The following SRGAP2 variants were observed in gnomAD, a reference collection of about 807,000 sequenced individuals.
The protein encoded by SRGAP2 is SLIT-ROBO Rho GTPase-activating protein 2.
A neutral mutation model predicts 57.2 loss-of-function variants in SRGAP2; 15 were observed. That is an observed-to-expected ratio of 0.26 (90% CI 0.18 to 0.40). The LOEUF (loss-of-function observed/expected upper bound fraction) is 0.40, where lower values mean the gene tolerates loss of function less well. Ranked by LOEUF, SRGAP2 falls within the 10% of genes least tolerant of loss-of-function variation. SRGAP2 has a pLI of 1.00. For missense variants in SRGAP2, 520 were observed against 669.6 expected (o/e 0.78, Z 2.47); for synonymous variants, 249 against 248.0 (o/e 1.00, Z -0.04).
In SRGAP2 at chr1:206,447,056, C is replaced by G. The variant is rs1553374148; in HGVS notation, c.2099+757C>G. On this transcript the variant is annotated intron_variant, in intron 18 of 22. Transcript: ENST00000573034. ...TGGGAATTTAACCCCAATCTCATCT[C>G]TTTGTACAGGGTACAGTCCGTTACC... Among the ~76,000 whole-genome samples the G allele has an allele frequency of 2.0e-5, 3 of 152,226 alleles. No individual in the cohort carries two copies. In the East Asian group the frequency reaches 5.8e-4, roughly 29 times the overall value.
At chr1:206,244,594 C>T (rs376336927) in intron 2 of SRGAP2, among the ~76,000 whole-genome samples, 9 of 148,062 alleles carry the variant, frequency 6.1e-5, no homozygotes, top group African/African-American at 2.3e-4. Context: ...GAACCCAACA[C>T]GAGATGGTAT....
At chr1:206,411,079 C>T (rs1553359418) in intron 10 of SRGAP2, among the ~76,000 whole-genome samples, 1 of 152,238 alleles carries the variant, frequency 6.6e-6, no homozygotes, top group Non-Finnish European at 1.5e-5. Flanking sequence ...CCAGGCTGGT[C>T]TCAAACTCCT....
intron 22 of SRGAP2, 131 bp downstream of exon 22, chr1:206,459,078 C>T (rs1664062002): frequency 1.6e-6 from 1 of 611,246 alleles, no homozygotes; most frequent in African/African-American, 1.9e-5. Context: ...TATATGTCCA[C>T]TCTGGACATG....
At chr1:206,364,621 T>C (rs1230616399) in intron 4 of SRGAP2, among the ~76,000 whole-genome samples, 1 of 151,354 alleles carries the variant, frequency 6.6e-6, no homozygotes, top group African/African-American at 2.4e-5. Flanking sequence ...CTTCTAAGAA[T>C]AGCTGACTTT....
intron 13 of SRGAP2, among the ~76,000 whole-genome samples, chr1:206,422,851 C>T (rs1339592895): frequency 6.6e-6 from 1 of 152,204 alleles, no homozygotes; most frequent in African/African-American, 2.4e-5. Flanking sequence ...ATACCAAAAT[C>T]CCCAATCCAA....
chr1:206,272,894 G>A (rs1238392516), intron 2 of SRGAP2, among the ~76,000 whole-genome samples: 73 of 152,196 alleles, frequency 4.8e-4, no homozygotes, highest in Non-Finnish European at 6.9e-4. Context: ...TTGCGTTAAA[G>A]CGTTCAGGAT....
In SRGAP2 at chr1:206,454,813, T is replaced by C; in HGVS notation, c.2361-65T>C. ...ATGTCGGGGGGCCATCTTGCCGATT[T>C]AACGCTGCTTTTTGTGTTGTTGTTG... On this transcript the variant is annotated intron_variant, in intron 20 of 22. Coordinates refer to ENST00000573034, the MANE Select transcript of SRGAP2 (RefSeq NM_015326.5). This position sits in a 1 kb window ranked among gnomAD's most constrained non-coding sequence, Gnocchi z 4.3. 1 of 700,074 alleles carries C rather than the reference T, an allele frequency of 1.4e-6. No homozygotes were observed. The allele number at this position is 700,074 out of a possible 1,614,324, so 43.4% of individuals were successfully genotyped here.
chr1:206,210,016 G>T (rs1666211167), intron 2 of SRGAP2, among the ~76,000 whole-genome samples: 1 of 139,766 alleles, frequency 7.2e-6, no homozygotes, highest in Non-Finnish European at 1.5e-5. Context: ...CAGGTATGGG[G>T]AGGGCTGATG....
At chr1:206,341,478 A>G (rs1245211538) in intron 3 of SRGAP2, among the ~76,000 whole-genome samples, 3 of 151,844 alleles carry the variant, frequency 2.0e-5, no homozygotes, top group Non-Finnish European at 4.4e-5. Context: ...AAATGTGGTT[A>G]ATAACACCCA....
At chr1:206,389,470 C>A (rs1477903272) in intron 5 of SRGAP2, among the ~76,000 whole-genome samples, 1 of 152,088 alleles carries the variant, frequency 6.6e-6, no homozygotes, top group Non-Finnish European at 1.5e-5. Context: ...AGCCGCCATG[C>A]CCGGCCTGTT....
intron 13 of SRGAP2, 122 bp from the exon 14 acceptor site, chr1:206,430,040 G>A (rs1661155936): frequency 1.4e-6 from 1 of 705,232 alleles, no homozygotes; most frequent in East Asian, 2.5e-5. Context: ...CAGGCCAGGT[G>A]CTTCTTTGTA....
intron 2 of SRGAP2, among the ~76,000 whole-genome samples, chr1:206,281,998 A>G (rs1215093623): frequency 6.1e-5 from 9 of 146,980 alleles, no homozygotes; most frequent in African/African-American, 2.3e-4. Context: ...TAAAATTACT[A>G]ATAACTTTTT....
At chr1:206,230,058 GA>G (rs1281689476) in intron 2 of SRGAP2, among the ~76,000 whole-genome samples, 1 of 151,730 alleles carries the variant, frequency 6.6e-6, no homozygotes, top group South Asian at 2.1e-4. Context: ...CATAAGTAAA[GA>G]AAAAAAGGTT....
chr1:206,455,872 C>G (rs1663789461), intron 21 of SRGAP2: 1 of 152,262 alleles, frequency 6.6e-6, no homozygotes, highest in Admixed American at 6.5e-5. Context: ...GCCGCCTCCC[C>G]AAGAGGCATT....
intron 2 of SRGAP2, among the ~76,000 whole-genome samples, chr1:206,239,457 T>C (rs1206949853): frequency 3.9e-5 from 6 of 151,924 alleles, no homozygotes; most frequent in African/African-American, 1.5e-4. Context: ...AAAAGAAAAG[T>C]TTTTTTTCTT....
intron 2 of SRGAP2, among the ~76,000 whole-genome samples, chr1:206,226,466 G>A (rs1667279296): frequency 6.6e-6 from 1 of 151,896 alleles, no homozygotes; most frequent in South Asian, 2.1e-4. Flanking sequence ...GAGGTCAGAG[G>A]CTTGGGTACC....
chr1:206,205,740 A>G lies in SRGAP2; in HGVS notation c.-231A>G. The G allele has an allele frequency of 8.4e-6, 5 of 593,442 alleles. No individual in the cohort carries two copies. 36.8% of individuals were successfully genotyped at this position (593,442 alleles called of 1,614,324 possible). A position where few individuals can be genotyped will look rare whatever the true frequency, so the allele number is the denominator to read the frequency against. The stretch of plus-strand genomic sequence containing the variant: ...ATGCTGAGGCTGCGGCTCCGGCTCT[A>G]GCACAGGCACCAGCCGCCGCCGCAC... On this transcript the variant is annotated 5_prime_UTR_variant, in exon 2 of 23. The change abolishes the stop of an existing upstream ORF in the 5' untranslated region. Coordinates refer to ENST00000573034, the MANE Select transcript of SRGAP2 (RefSeq NM_015326.5).
intron 2 of SRGAP2, among the ~76,000 whole-genome samples, chr1:206,226,159 A>AG (rs1274083634): frequency 2.0e-5 from 3 of 148,948 alleles, no homozygotes; most frequent in African/African-American, 7.5e-5. Context: ...TTTTGATTGT[A>AG]GGATATGTTG....
chr1:206,399,045 G>A (rs1182389562), intron 7 of SRGAP2, among the ~76,000 whole-genome samples: 6 of 152,210 alleles, frequency 3.9e-5, no homozygotes, highest in African/African-American at 9.7e-5. Flanking sequence ...ACAACAAACT[G>A]TGTGGCTGGT....
Sources: gnomAD v4.1 joint callset for allele counts (sites outside exome capture counted in the v4.1 genomes callset) on GRCh38, gnomAD v4.1.1 for gene constraint, Gnocchi (gnomAD v3.1) non-coding constraint, MANE v1.5 for transcripts, NCBI Gene and HGNC (gene_info 2026-07-23, HGNC 2026-07-21) for gene names.